Variants in NTM observed in about 807,000 individuals in gnomAD.
NTM encodes the protein neurotrimin, also known as IgLON family member 2.
A neutral mutation model predicts 42.1 loss-of-function variants in NTM; 13 were observed. That is an observed-to-expected ratio of 0.31 (90% CI 0.20 to 0.49). The LOEUF is 0.49. NTM is among the 20% of genes least tolerant of loss of function. The pLI is 0.99. For missense variants in NTM, 373 were observed against 452.8 expected, an observed-to-expected ratio of 0.82 and a Z score of 1.60; for synonymous variants, 187 against 179.2, an observed-to-expected ratio of 1.04 and a Z score of -0.35.
At position 132,050,948 on chromosome 11, in the gene NTM, A is replaced by G. The variant is rs886677541; in HGVS notation, c.168-95334A>G. ...CCTGCCTTGTAATAGGAACTTGATAAAGAGGACTTGATGAAATCTGAGCCC... is the reference window on the plus strand; with the variant it reads ...CCTGCCTTGTAATAGGAACTTGATAGAGAGGACTTGATGAAATCTGAGCCC... On this transcript the variant is annotated intron_variant, in intron 2 of 8. Transcript: ENST00000683400. Among the ~76,000 whole-genome samples the G allele has an allele frequency of 6.6e-5, 10 of 152,340 alleles. No individual in the cohort carries two copies. The South Asian group carries it at 1.0e-3, about 16-fold the overall frequency.
chr11:132,022,633 G>T (rs1459260380), intron 2 of NTM, among the ~76,000 whole-genome samples: 1 of 152,166 alleles, frequency 6.6e-6, no homozygotes, highest in Non-Finnish European at 1.5e-5. Context: ...ATATAATAAT[G>T]TCAAAAGACA....
intron 1 of NTM, among the ~76,000 whole-genome samples, chr11:131,793,814 TCA>T (rs757393332): frequency 9.2e-5 from 14 of 152,162 alleles, no homozygotes; most frequent in Non-Finnish European, 1.6e-4. Context: ...GATCTGAGCA[TCA>T]GCATACGGGC....
chr11:132,331,358 T>C (rs890644404), intron 8 of NTM, among the ~76,000 whole-genome samples: 3 of 152,206 alleles, frequency 2.0e-5, no homozygotes, highest in African/African-American at 4.8e-5. Context: ...TCTATGTAGA[T>C]AGACACTCAG....
chr11:131,458,198 G>C (rs937529409), intron 1 of NTM, among the ~76,000 whole-genome samples: 1 of 152,172 alleles, frequency 6.6e-6, no homozygotes, highest in Non-Finnish European at 1.5e-5. Flanking sequence ...GTGGGTTCTT[G>C]GTTTACAGGT....
At chr11:131,864,481 C>T (rs1274478039) in intron 1 of NTM, among the ~76,000 whole-genome samples, 3 of 152,210 alleles carry the variant, frequency 2.0e-5, no homozygotes, top group Admixed American at 2.0e-4. Context: ...CACTCTCCCT[C>T]TTGCTGTAAA....
chr11:132,263,863 A>T (rs1206118813), intron 4 of NTM, among the ~76,000 whole-genome samples: 1 of 152,162 alleles, frequency 6.6e-6, no homozygotes, highest in Non-Finnish European at 1.5e-5. Context: ...TCTGTCTGAA[A>T]TCTCGTCAGA....
At chr11:132,200,354 G>A (rs1007504413) in intron 3 of NTM, among the ~76,000 whole-genome samples, 4 of 152,102 alleles carry the variant, frequency 2.6e-5, no homozygotes, top group African/African-American at 9.7e-5. Flanking sequence ...AGCAATATTG[G>A]GACTGTAGCA....
intron 1 of NTM, among the ~76,000 whole-genome samples, chr11:131,629,673 G>A (rs977640159): frequency 2.0e-5 from 3 of 152,096 alleles, no homozygotes; most frequent in African/African-American, 7.2e-5. Context: ...ACACAATTTC[G>A]AAACGAGAGT....
chr11:131,403,670 T>C (rs764198036), intron 1 of NTM, among the ~76,000 whole-genome samples: 3 of 152,198 alleles, frequency 2.0e-5, no homozygotes, highest in Non-Finnish European at 4.4e-5. Context: ...TTCAGAGACA[T>C]CTAATTCGTA....
intron 1 of NTM, among the ~76,000 whole-genome samples, chr11:131,789,529 AGAAGAAGAAGAAGAAGAAAAGAAG>A: frequency 3.6e-5 from 1 of 27,952 alleles, no homozygotes; most frequent in Non-Finnish European, 6.1e-5. Flanking sequence ...AAGAAGAAGA[AGAAGAAGAAGAAGAAGAAAAGAAG>A]AAGAAGAAGA....
intron 2 of NTM, among the ~76,000 whole-genome samples, chr11:131,967,770 T>C (rs538086721): frequency 6.6e-6 from 1 of 152,308 alleles, no homozygotes; most frequent in East Asian, 1.9e-4. Flanking sequence ...GGGGCATAGC[T>C]GACAACAGTG....
chr11:132,010,143 C>T (rs139307237), intron 2 of NTM, among the ~76,000 whole-genome samples: 1 of 152,222 alleles, frequency 6.6e-6, no homozygotes, highest in African/African-American at 2.4e-5. Context: ...AATACCTCAG[C>T]AGCTTCTTGC....
At position 132,084,248 on chromosome 11, in the gene NTM, G is replaced by T. The variant is rs144891424; in HGVS notation, c.168-62034G>T. Among the ~76,000 whole-genome samples the T allele has an allele frequency of 5.8e-3, 878 of 152,090 alleles. 7 individuals carry two copies. The highest frequency in any genetic ancestry group is 0.02 in the African/African-American group (846 of 41,468). ...TATGAATAAGAATATGTACAGGGTC[G>T]CTACAATCAAAAACATGATTGACAA... On this transcript the variant is annotated intron_variant, in intron 2 of 8. Transcript: ENST00000683400.
At chr11:131,458,206 G>A (rs1318305140) in intron 1 of NTM, among the ~76,000 whole-genome samples, 1 of 152,196 alleles carries the variant, frequency 6.6e-6, no homozygotes, top group Non-Finnish European at 1.5e-5. Context: ...TTGGTTTACA[G>A]GTGCCTTATG....
chr11:132,315,017 T>C (rs1404426454), intron 7 of NTM: 1 of 1,127,234 alleles, frequency 8.9e-7, no homozygotes, highest in African/African-American at 1.6e-5. Flanking sequence ...CATGTTTCAT[T>C]CTATAATGGA....
chr11:131,865,114 C>T (rs924696677), intron 1 of NTM, among the ~76,000 whole-genome samples: 3 of 152,188 alleles, frequency 2.0e-5, no homozygotes, highest in Non-Finnish European at 4.4e-5. Context: ...GCGCTCTACC[C>T]TGAGACAATG....
chr11:131,414,610 A>G (rs1488340406), intron 1 of NTM, among the ~76,000 whole-genome samples: 1 of 152,146 alleles, frequency 6.6e-6, no homozygotes, highest in African/African-American at 2.4e-5. Flanking sequence ...GGATGCATAT[A>G]CCATGGTCTC....
At chr11:131,649,668 G>A (rs1016787177) in intron 1 of NTM, among the ~76,000 whole-genome samples, 2 of 152,166 alleles carry the variant, frequency 1.3e-5, no homozygotes, top group South Asian at 2.1e-4. Flanking sequence ...GTGTGTTTGG[G>A]TGGGGGGAGG....
At chr11:132,211,451 G>A (rs149628806) in intron 3 of NTM, among the ~76,000 whole-genome samples, 1 of 152,294 alleles carries the variant, frequency 6.6e-6, no homozygotes, top group Non-Finnish European at 1.5e-5. Context: ...AAGGATAAAA[G>A]GAACAATATG....
Sources: allele counts gnomAD v4.1 joint callset (sites outside exome capture counted in the v4.1 genomes callset), GRCh38; gene constraint gnomAD v4.1.1; transcripts MANE v1.5; gene names NCBI Gene and HGNC (gene_info 2026-07-23, HGNC 2026-07-21).